Variants in GNA12 observed in about 807,000 individuals in gnomAD.
GNA12 encodes G protein subunit alpha 12, also known as guanine nucleotide-binding protein subunit alpha-12.
A neutral mutation model predicts 26.0 loss-of-function variants in GNA12; 9 were observed. The ratio of observed to expected loss-of-function variants is 0.35; its 90% confidence interval spans 0.21 to 0.60. The LOEUF (loss-of-function observed/expected upper bound fraction) is 0.60, where lower values mean the gene tolerates loss of function less well. Among genes scored for constraint, GNA12 ranks in the 20% least tolerant of loss-of-function variants. The pLI is 0.78. For missense variants in GNA12, 405 were observed against 525.8 expected (o/e 0.77, Z 2.25); for synonymous variants, 264 against 219.6 (o/e 1.20, Z -1.79).
At chr7:2,801,753 C>CA (rs1439372375) in intron 1 of GNA12, among the ~76,000 whole-genome samples, 1 of 151,968 alleles carries the variant, frequency 6.6e-6, no homozygotes, top group Non-Finnish European at 1.5e-5. Flanking sequence ...TTATTCTAGT[C>CA]AAAAACTGCT....
chr7:2,806,382 G>C lies in GNA12; in HGVS notation c.310-11239C>G, dbSNP rs558692083. ...GGTGCCTGTAATCCCAGCTACTCGG[G>C]AGGCAGAGGTTGCAGTGAGCTGAGA... On this transcript the variant is annotated intron_variant, in intron 1 of 3. Coordinates refer to ENST00000275364, the MANE Select transcript of GNA12 (RefSeq NM_007353.3). Among the ~76,000 whole-genome samples the C allele has an allele frequency of 4.7e-5, 7 of 150,044 alleles. No individual in the cohort carries two copies. The South Asian group carries it at 8.4e-4, about 18-fold the overall frequency.
At chr7:2,791,250 T>C (rs1430041953) in intron 2 of GNA12, among the ~76,000 whole-genome samples, 1 of 152,254 alleles carries the variant, frequency 6.6e-6, no homozygotes, top group Non-Finnish European at 1.5e-5. Context: ...AGGTCTAACA[T>C]GGCGAGATCA....
chr7:2,816,654 T>A (rs1297628043), intron 1 of GNA12, among the ~76,000 whole-genome samples: 1 of 152,220 alleles, frequency 6.6e-6, no homozygotes, highest in East Asian at 1.9e-4. Context: ...TGAATAATTA[T>A]CCAGCTCATG....
At chr7:2,771,536 G>A (rs556269446) in intron 2 of GNA12, among the ~76,000 whole-genome samples, 114 of 152,260 alleles carry the variant, frequency 7.5e-4, no homozygotes, top group African/African-American at 2.6e-3. Context: ...AGATTCTCAT[G>A]TAAGTCAGAT....
chr7:2,822,713 G>T (rs1793395546), intron 1 of GNA12, among the ~76,000 whole-genome samples: 1 of 152,226 alleles, frequency 6.6e-6, no homozygotes, highest in African/African-American at 2.4e-5. Context: ...ACAGGAGGCT[G>T]AACTGAGAGG....
intron 2 of GNA12, among the ~76,000 whole-genome samples, chr7:2,763,868 G>A (rs1368696695): frequency 6.6e-6 from 1 of 152,222 alleles, no homozygotes. Flanking sequence ...GGCAGAGAGC[G>A]AGGGAGACGG....
chr7:2,747,767 A>G (rs1790838286), intron 2 of GNA12, among the ~76,000 whole-genome samples: 1 of 152,250 alleles, frequency 6.6e-6, no homozygotes, highest in Non-Finnish European at 1.5e-5. Context: ...TATATTATCT[A>G]GAAAACCCCA....
intron 2 of GNA12, among the ~76,000 whole-genome samples, chr7:2,787,237 G>A (rs1464872612): frequency 3.3e-5 from 5 of 152,232 alleles, no homozygotes; most frequent in Non-Finnish European, 7.4e-5. Context: ...GCAGCTCACC[G>A]CCTCCGTCAC....
chr7:2,778,251 T>G (rs1792129234), intron 2 of GNA12, among the ~76,000 whole-genome samples: 1 of 152,202 alleles, frequency 6.6e-6, no homozygotes, highest in South Asian at 2.1e-4. Flanking sequence ...AATCAAGCAT[T>G]TCATTTGGCT....
chr7:2,811,468 T>G (rs1243927633), intron 1 of GNA12, among the ~76,000 whole-genome samples: 2 of 152,222 alleles, frequency 1.3e-5, no homozygotes, highest in African/African-American at 4.8e-5. Flanking sequence ...GGAGAATAAG[T>G]GTGCTGCTTC....
At chr7:2,832,129 T>C (rs1778691483) in intron 1 of GNA12, among the ~76,000 whole-genome samples, 1 of 152,198 alleles carries the variant, frequency 6.6e-6, no homozygotes, top group Non-Finnish European at 1.5e-5. Context: ...GTTAGACTAG[T>C]CCAGGTGGAT....
chr7:2,789,754 G>A (rs1792469837), intron 2 of GNA12, among the ~76,000 whole-genome samples: 1 of 152,180 alleles, frequency 6.6e-6, no homozygotes, highest in Admixed American at 6.5e-5. Context: ...CCATGTGCCA[G>A]GTCCCCTCCT....
Position 2,814,740 on chromosome 7 carries a change from C to T in GNA12, c.310-19597G>A, listed in dbSNP as rs533761501. On this transcript the variant is annotated intron_variant, in intron 1 of 3. Transcript: ENST00000275364. ...TGAACTCCTTGCATATAACGGCCTT[C>T]CACAGAAGTTTATCAGCCTGTCCAA... 25 of 767,404 alleles carry T rather than the reference C, an allele frequency of 3.3e-5. No individual in the cohort carries two copies. The East Asian group carries it at 6.2e-4, about 19-fold the overall frequency. 47.5% of individuals were successfully genotyped at this position (767,404 alleles called of 1,614,324 possible).
At chr7:2,802,532 A>C (rs1792836329) in intron 1 of GNA12, among the ~76,000 whole-genome samples, 2 of 152,102 alleles carry the variant, frequency 1.3e-5, no homozygotes, top group African/African-American at 2.4e-5. Flanking sequence ...TCCTTAGTAA[A>C]ATCTTCCCAC....
At chr7:2,837,009 G>T (rs1325422649) in intron 1 of GNA12, among the ~76,000 whole-genome samples, 1 of 152,190 alleles carries the variant, frequency 6.6e-6, no homozygotes, top group Non-Finnish European at 1.5e-5. Flanking sequence ...GGAATTGAGG[G>T]GGAAATTGAT....
intron 1 of GNA12, among the ~76,000 whole-genome samples, chr7:2,822,805 C>A (rs552774115): frequency 6.6e-6 from 1 of 152,284 alleles, no homozygotes; most frequent in South Asian, 2.1e-4. Flanking sequence ...GAGTAAGACT[C>A]CGTTTCCAAA....
chr7:2,766,742 A>G (rs549044262), intron 2 of GNA12, among the ~76,000 whole-genome samples: 16 of 152,268 alleles, frequency 1.1e-4, no homozygotes, highest in African/African-American at 3.9e-4. Context: ...GTGTGCAAAT[A>G]TCTCTGAGAC....
chr7:2,822,729 T>A (rs1218715310), intron 1 of GNA12, among the ~76,000 whole-genome samples: 1 of 152,174 alleles, frequency 6.6e-6, no homozygotes, highest in African/African-American at 2.4e-5. Context: ...AGAGGATCAC[T>A]TGAGTCCAGA....
At chr7:2,790,794 C>T (rs1202543838) in intron 2 of GNA12, among the ~76,000 whole-genome samples, 1 of 152,064 alleles carries the variant, frequency 6.6e-6, no homozygotes, top group Non-Finnish European at 1.5e-5. Context: ...CATAGTAAGA[C>T]CTCAATGCTA....
Sources: allele counts gnomAD v4.1 joint callset (sites outside exome capture counted in the v4.1 genomes callset), GRCh38; gene constraint gnomAD v4.1.1; transcripts MANE v1.5; gene names NCBI Gene and HGNC (gene_info 2026-07-23, HGNC 2026-07-21).